AXDND1: variants seen among roughly 807,000 people sequenced by gnomAD.
The protein encoded by AXDND1 is axonemal dynein light chain domain-containing protein 1.
A neutral mutation model predicts 137.5 loss-of-function variants in AXDND1; 110 were observed. The ratio of observed to expected loss-of-function variants is 0.80; its 90% CI spans 0.69 to 0.94. AXDND1 has a LOEUF of 0.94. Among genes scored for constraint, AXDND1 ranks in the 40% least tolerant of loss-of-function variants. The pLI, the probability that AXDND1 is intolerant of heterozygous loss-of-function variation, is 0.00. For synonymous variants in AXDND1, 414 were observed against 399.7 expected, an observed-to-expected ratio of 1.04 and a Z score of -0.43; for missense variants, 1,191 against 1,169.8, an observed-to-expected ratio of 1.02 and a Z score of -0.26.
In AXDND1 at chr1:179,387,838, T is replaced by C. The variant is rs538933747; in HGVS notation, c.863+2479T>C. On this transcript the variant is annotated intron_variant, in intron 9 of 25. Transcript: ENST00000367618. Reference sequence around the variant, plus strand: ...ACTTCTATGCGAGTTCTGGCATTCTTACCTCTGATCCTTTTGGGTAGTTCT... The same window carrying C: ...ACTTCTATGCGAGTTCTGGCATTCTCACCTCTGATCCTTTTGGGTAGTTCT... Among the ~76,000 whole-genome samples the C allele has an allele frequency of 3.9e-5, 6 of 152,344 alleles. No individual in the cohort carries two copies. The South Asian group carries it at 1.2e-3, about 32-fold the overall frequency.
Position 179,395,082 on chromosome 1 carries a change from CT to C in AXDND1, c.1005-13del. ...ATCTCCAAATATGAATTAAAAATTT[CT>C]TTGCTTTATTTCAGGGAACTGTGTC... On this transcript the variant is annotated splice_polypyrimidine_tract_variant and intron_variant, in intron 10 of 25. Transcript: ENST00000367618. 1 of 1,577,054 alleles carries C rather than the reference CT, an allele frequency of 6.3e-7. No individual in the cohort carries two copies. The highest frequency in any genetic ancestry group is 1.2e-5 in the South Asian group (1 of 84,660).
chr1:179,485,523 A>G (rs1393951663), intron 18 of AXDND1, among the ~76,000 whole-genome samples: 1 of 152,174 alleles, frequency 6.6e-6, no homozygotes, highest in African/African-American at 2.4e-5. Flanking sequence ...AGAGGAGGAA[A>G]GACAAAAGAA....
chr1:179,447,998 A>T (rs1214126593), intron 16 of AXDND1: 2 of 1,416,018 alleles, frequency 1.4e-6, no homozygotes, highest in African/African-American at 2.8e-5. Flanking sequence ...TTAGTGTAGG[A>T]CAAAGCATTG....
At chr1:179,418,053 G>A (rs1654979495) in intron 12 of AXDND1, among the ~76,000 whole-genome samples, 1 of 150,818 alleles carries the variant, frequency 6.6e-6, no homozygotes, top group Admixed American at 6.6e-5. Flanking sequence ...ATTTGGCAGG[G>A]TCATAGGACA....
At chr1:179,505,239 A>G (rs989860963) in intron 20 of AXDND1, among the ~76,000 whole-genome samples, 11 of 152,362 alleles carry the variant, frequency 7.2e-5, no homozygotes, top group African/African-American at 2.6e-4. Flanking sequence ...CTTGTGCCAC[A>G]TTCTAGCATT....
At chr1:179,419,776 T>C (rs1427223989) in intron 12 of AXDND1, among the ~76,000 whole-genome samples, 2 of 152,208 alleles carry the variant, frequency 1.3e-5, no homozygotes, top group African/African-American at 4.8e-5. Context: ...ATATAAATCC[T>C]ACTGATTTTT....
chr1:179,424,415 T>G (rs1162064893), intron 12 of AXDND1, among the ~76,000 whole-genome samples: 1 of 147,260 alleles, frequency 6.8e-6, no homozygotes, highest in Non-Finnish European at 1.5e-5. Flanking sequence ...TTTTTGAAAG[T>G]TTTCTATTAT....
At chr1:179,390,243 G>T (rs1649938348) in intron 9 of AXDND1, among the ~76,000 whole-genome samples, 1 of 152,024 alleles carries the variant, frequency 6.6e-6, no homozygotes, top group South Asian at 2.1e-4. Context: ...TGAACTCCTG[G>T]CCTCAAGTGA....
chr1:179,489,608 G>A, intron 18 of AXDND1, among the ~76,000 whole-genome samples: 1 of 152,132 alleles, frequency 6.6e-6, no homozygotes, highest in East Asian at 1.9e-4. Context: ...CTCAGGAAAG[G>A]TTGCCCCTTT....
At chr1:179,449,698 T>C (rs1313178152) in intron 16 of AXDND1, 3 of 152,152 alleles carry the variant, frequency 2.0e-5, no homozygotes, top group South Asian at 4.1e-4. Flanking sequence ...AACAATGTTT[T>C]ATAGTTTTCT....
intron 5 of AXDND1, among the ~76,000 whole-genome samples, chr1:179,378,976 C>A (rs531742469): frequency 6.6e-6 from 1 of 152,058 alleles, no homozygotes; most frequent in Non-Finnish European, 1.5e-5. Context: ...AGCCATTTTG[C>A]GAACCACAGT....
chr1:179,495,816 A>G (rs937239675), intron 20 of AXDND1, among the ~76,000 whole-genome samples: 2 of 151,472 alleles, frequency 1.3e-5, no homozygotes, highest in Non-Finnish European at 3.0e-5. Flanking sequence ...TTTAAGTATA[A>G]TGCTAGCTAT....
chr1:179,518,287 A>G (rs1424531527), intron 21 of AXDND1, among the ~76,000 whole-genome samples: 1 of 151,528 alleles, frequency 6.6e-6, no homozygotes, highest in Non-Finnish European at 1.5e-5. Flanking sequence ...ACCTAAGTCT[A>G]TTTTTTGATT....
At chr1:179,500,335 T>TTTG (rs1471655924) in intron 20 of AXDND1, among the ~76,000 whole-genome samples, 4 of 106,928 alleles carry the variant, frequency 3.7e-5, no homozygotes, top group African/African-American at 7.1e-5. Context: ...GCAGGGTACA[T>TTTG]TATGTGTGTG....
rs35485197 is a variant in AXDND1, at chr1:179,446,824, CT to C, written c.1798+1632del. Among the ~76,000 whole-genome samples, 907 of 143,816 alleles carry C rather than the reference CT, an allele frequency of 6.3e-3. 9 individuals carry two copies. Among genetic ancestry groups the C allele is most frequent in the African/African-American group, 0.02 (793 of 39,520 alleles). The allele number at this position is 143,816 out of a possible 152,430, so 94.3% of individuals were successfully genotyped here. On this transcript the variant is annotated intron_variant, in intron 16 of 25. Transcript: ENST00000367618. ...GCTTTTCCATTTTCTTGATAGTGTC[CT>C]TTTTTTTTTTTAAACAGAATAAATA...
intron 17 of AXDND1, among the ~76,000 whole-genome samples, chr1:179,470,418 A>C (rs939393428): frequency 6.6e-6 from 1 of 152,132 alleles, no homozygotes; most frequent in Non-Finnish European, 1.5e-5. Context: ...TTGCTATCTT[A>C]AACATGTTAA....
At chr1:179,519,516 T>C (rs1669862476) in intron 21 of AXDND1, among the ~76,000 whole-genome samples, 1 of 152,202 alleles carries the variant, frequency 6.6e-6, no homozygotes, top group Admixed American at 6.5e-5. Context: ...TTTTATAGTT[T>C]TGGGTTTTAC....
rs964256482 is a variant in AXDND1 at position 179,429,500 on chromosome 1, A to G, written c.1231-18A>G. 12 of 1,318,006 alleles carry G rather than the reference A, an allele frequency of 9.1e-6. No homozygotes were observed. Among genetic ancestry groups the G allele is most frequent in the Middle Eastern group, 2.1e-4 (1 of 4,738 alleles). 81.6% of individuals were successfully genotyped at this position (1,318,006 alleles called of 1,614,324 possible). The stretch of plus-strand genomic sequence containing the variant: ...GCTAATGTTTTAGGTTCCTGATTAT[A>G]GTACATTATTTTTATAGGTGATTGA... On this transcript the variant is annotated intron_variant, in intron 12 of 25. Coordinates refer to ENST00000367618, the MANE Select transcript of AXDND1 (RefSeq NM_144696.6).
chr1:179,552,544 T>C, intron 25 of AXDND1: 1 of 1,319,374 alleles, frequency 7.6e-7, no homozygotes, highest in Non-Finnish European at 1.1e-6. Context: ...AAAGGGGAAA[T>C]GTTCTCCACG....
Sources: allele counts gnomAD v4.1 joint callset (sites outside exome capture counted in the v4.1 genomes callset), GRCh38; gene constraint gnomAD v4.1.1; transcripts MANE v1.5; gene names NCBI Gene and HGNC (gene_info 2026-07-23, HGNC 2026-07-21).